The following LRMDA variants were observed in gnomAD, a reference collection of about 807,000 sequenced individuals.
LRMDA encodes leucine rich melanocyte differentiation associated.
Under a neutral mutation model 29.8 loss-of-function variants are expected in LRMDA, and 18 were observed. The ratio of observed to expected loss-of-function variants is 0.60; its 90% CI spans 0.42 to 0.90. LRMDA has a LOEUF of 0.90. LRMDA is among the 40% of genes least tolerant of loss of function. The pLI, the probability that LRMDA is intolerant of heterozygous loss-of-function variation, is 0.00. For missense variants in LRMDA, 273 were observed against 273.9 expected (o/e 1.00, Z 0.02); for synonymous variants, 125 against 109.4 (o/e 1.14, Z -0.89).
intron 2 of LRMDA, chr10:75,783,028 C>T (rs777084122): frequency 1.2e-6 from 2 of 1,614,026 alleles, no homozygotes; most frequent in South Asian, 1.1e-5. Flanking sequence ...AAAAGGTTAG[C>T]CAGACAGGAC....
At chr10:75,839,321 C>T (rs1004743582) in intron 2 of LRMDA, among the ~76,000 whole-genome samples, 1 of 152,164 alleles carries the variant, frequency 6.6e-6, no homozygotes, top group Non-Finnish European at 1.5e-5. Flanking sequence ...ATCCTTCATC[C>T]ACCAGTCCAT....
intron 5 of LRMDA, among the ~76,000 whole-genome samples, chr10:76,113,916 A>G (rs1435724679): frequency 6.6e-6 from 1 of 152,130 alleles, no homozygotes; most frequent in African/African-American, 2.4e-5. Flanking sequence ...GAAGGGATCG[A>G]GGTTGGTTTG....
intron 5 of LRMDA, among the ~76,000 whole-genome samples, chr10:76,116,379 A>T (rs1445991454): frequency 6.6e-6 from 1 of 152,194 alleles, no homozygotes; most frequent in African/African-American, 2.4e-5. Context: ...GAAATCCCTA[A>T]TTCAGATAAT....
chr10:75,828,143 T>A (rs1844277877), intron 2 of LRMDA, among the ~76,000 whole-genome samples: 1 of 152,190 alleles, frequency 6.6e-6, no homozygotes, highest in African/African-American at 2.4e-5. Flanking sequence ...TGTTTTTATG[T>A]TTGGTTTGAG....
intron 6 of LRMDA, among the ~76,000 whole-genome samples, chr10:76,346,188 C>T (rs751419699): frequency 1.1e-4 from 16 of 151,994 alleles, no homozygotes; most frequent in African/African-American, 2.9e-4. Flanking sequence ...GTTACTTCTA[C>T]GAGAGGACTT....
At chr10:76,132,470 T>G (rs932011751) in intron 5 of LRMDA, among the ~76,000 whole-genome samples, 3 of 152,212 alleles carry the variant, frequency 2.0e-5, no homozygotes, top group Non-Finnish European at 4.4e-5. Context: ...TTCATACGAA[T>G]GACCCTAAGG....
intron 2 of LRMDA, among the ~76,000 whole-genome samples, chr10:75,859,047 T>C (rs558485174): frequency 1.3e-5 from 2 of 152,402 alleles, no homozygotes; most frequent in African/African-American, 4.8e-5. Flanking sequence ...CATGTAAATA[T>C]ACTTGCACTT....
chr10:75,728,036 C>T (rs1842650817), intron 2 of LRMDA, among the ~76,000 whole-genome samples: 1 of 152,124 alleles, frequency 6.6e-6, no homozygotes, highest in Non-Finnish European at 1.5e-5. Context: ...TTCATTATTT[C>T]ATTTAGTTTT....
intron 2 of LRMDA, among the ~76,000 whole-genome samples, chr10:75,859,600 T>TACACACACACACACACAC (rs71024575): frequency 2.6e-5 from 2 of 77,548 alleles, no homozygotes; most frequent in African/African-American, 5.0e-5. Flanking sequence ...ATTCAGGGCA[T>TACACACACACACACACAC]ACACACACAC....
intron 2 of LRMDA, among the ~76,000 whole-genome samples, chr10:75,697,852 C>CGTGT (rs904712132): frequency 4.1e-5 from 4 of 97,278 alleles, no homozygotes; most frequent in Admixed American, 1.9e-4. Flanking sequence ...TGTGTGTGTG[C>CGTGT]GTGTGTGTGT....
intron 2 of LRMDA, among the ~76,000 whole-genome samples, chr10:75,574,051 T>C (rs936321246): frequency 7.2e-5 from 11 of 152,050 alleles, no homozygotes; most frequent in Non-Finnish European, 1.6e-4. Context: ...GTTTCTTTTG[T>C]CCCCCTTTTT....
chr10:75,973,382 A>G (rs914206120), intron 2 of LRMDA, among the ~76,000 whole-genome samples: 10 of 150,184 alleles, frequency 6.7e-5, no homozygotes, highest in African/African-American at 2.4e-4. Flanking sequence ...CAGAAATCAT[A>G]ATGACCTGCT....
At chr10:76,514,254 G>T (rs1231067932) in intron 6 of LRMDA, among the ~76,000 whole-genome samples, 1 of 152,150 alleles carries the variant, frequency 6.6e-6, no homozygotes, top group African/African-American at 2.4e-5. Context: ...GCCTTCCAAA[G>T]TGTCTACTTG....
chr10:76,341,031 T>C (rs906220503), intron 6 of LRMDA, among the ~76,000 whole-genome samples: 1 of 152,166 alleles, frequency 6.6e-6, no homozygotes, highest in African/African-American at 2.4e-5. Context: ...GAGTGAATTA[T>C]AAGGCAAAAC....
chr10:76,398,237 A>G (rs922037095), intron 6 of LRMDA, among the ~76,000 whole-genome samples: 9 of 152,128 alleles, frequency 5.9e-5, no homozygotes, highest in Admixed American at 3.9e-4. Flanking sequence ...AGACAACTCT[A>G]TCAGCTGCTC....
chr10:76,196,881 C>G (rs906795010), intron 5 of LRMDA, among the ~76,000 whole-genome samples: 1 of 152,242 alleles, frequency 6.6e-6, no homozygotes, highest in African/African-American at 2.4e-5. Context: ...CTAGCTACAT[C>G]TTGCGTTGTC....
At chr10:75,973,485 C>T (rs1166423802) in intron 2 of LRMDA, among the ~76,000 whole-genome samples, 1 of 149,186 alleles carries the variant, frequency 6.7e-6, no homozygotes, top group African/African-American at 2.5e-5. Flanking sequence ...ATGGCATGAT[C>T]TCCACTCACT....
chr10:75,996,427 G>A (rs1350441799), intron 2 of LRMDA, among the ~76,000 whole-genome samples: 2 of 152,124 alleles, frequency 1.3e-5, no homozygotes, highest in African/African-American at 4.8e-5. Context: ...CTTCAGAATT[G>A]GCAATTTCAT....
At chr10:75,745,060 C>G (rs1842874131) in intron 2 of LRMDA, among the ~76,000 whole-genome samples, 1 of 152,182 alleles carries the variant, frequency 6.6e-6, no homozygotes, top group South Asian at 2.1e-4. Context: ...TTTGCTATGT[C>G]AGTTACTGTC....
Sources: gnomAD v4.1 joint callset for allele counts (sites outside exome capture counted in the v4.1 genomes callset) on GRCh38, gnomAD v4.1.1 for gene constraint, MANE v1.5 for transcripts, NCBI Gene and HGNC (gene_info 2026-07-23, HGNC 2026-07-21) for gene names.